Variants in SNAPC4 observed in about 807,000 individuals in gnomAD.
SNAPC4 encodes snRNA-activating protein complex subunit 4.
Under a neutral mutation model 151.3 loss-of-function variants are expected in SNAPC4, and 127 were observed. The ratio of observed to expected loss-of-function variants is 0.84; its 90% CI spans 0.73 to 0.97. The LOEUF is 0.97. Ranked by LOEUF, SNAPC4 falls within the 50% of genes least tolerant of loss-of-function variation. The pLI, the probability that SNAPC4 is intolerant of heterozygous loss-of-function variation, is 0.00. For missense variants in SNAPC4, 2,186 were observed against 1,935.0 expected (o/e 1.13, Z -2.43); for synonymous variants, 1,002 against 824.4 (o/e 1.22, Z -3.69).
Position 136,395,587 on chromosome 9 carries a change from C to T in SNAPC4, c.345+16G>A, listed in dbSNP as rs1834240843. On this transcript the variant is annotated intron_variant, in intron 4 of 23. Coordinates refer to ENST00000684778, the MANE Select transcript of SNAPC4 (RefSeq NM_003086.4). ...GTGGGGAGGTGTGGGCACCGGGGGG[C>T]CGAGGCCCATCCCACCTGCTGCTCC... 1.2e-6 allele frequency: 2 copies of T among 1,604,200 alleles called. No individual in the cohort carries two copies. Among genetic ancestry groups the T allele is most frequent in the Admixed American group, 1.7e-5 (1 of 59,610 alleles).
intron 9 of SNAPC4, among the ~76,000 whole-genome samples, 155 bp downstream of exon 9, chr9:136,392,367 G>A (rs1370997363): frequency 2.6e-5 from 4 of 152,158 alleles, no homozygotes; most frequent in South Asian, 2.1e-4. Context: ...CGCCATTCCC[G>A]ACTGTGGGAC....
At position 136,392,756 on chromosome 9, in the gene SNAPC4, CT is replaced by C; in HGVS notation, c.653del (p.Lys218SerfsTer127). The C allele has an allele frequency of 6.2e-7, 1 of 1,613,520 alleles. No individual in the cohort carries two copies. The highest frequency in any genetic ancestry group is 8.5e-7 in the Non-Finnish European group (1 of 1,180,018). On this transcript the variant is annotated frameshift_variant, in exon 8 of 24. Transcript: ENST00000684778. LOFTEE classifies it high-confidence loss of function. Reference protein sequence around the residue: ...KLLKLEYLHQKQSKVSSELER... With the variant: ...KLLKLEYLHQXQSKVSSELER... The stretch of plus-strand genomic sequence containing the variant: ...CCAGCTCACTGGAGACTTTGCTCTG[CT>C]TCTGGTGCAAGTACTCGAGCCTGCA...
chr9:136,392,431 G>A (rs1345320282), intron 9 of SNAPC4, 91 bp downstream of exon 9: 2 of 1,243,940 alleles, frequency 1.6e-6, no homozygotes, highest in African/African-American at 1.5e-5. Context: ...TGCCAGGGAG[G>A]GTGTGGCCTT....
chr9:136,397,752 G>C (rs1300703503), intron 2 of SNAPC4, among the ~76,000 whole-genome samples: 7 of 150,562 alleles, frequency 4.6e-5, no homozygotes, highest in Non-Finnish European at 8.9e-5. Flanking sequence ...GGAGCACGTG[G>C]GGAGGGGCAC....
Position 136,381,323 on chromosome 9 carries a change from T to C in SNAPC4, c.2387A>G (p.Gln796Arg), listed in dbSNP as rs770400352. 1.9e-5 allele frequency: 31 copies of C among 1,611,416 alleles called. No individual in the cohort carries two copies. The highest frequency in any genetic ancestry group is 2.6e-5 in the Non-Finnish European group (31 of 1,178,854). ...ASTPVFTLFTQLFHIDTAGCL... is the reference protein window; with the variant it reads ...ASTPVFTLFTRLFHIDTAGCL... ...CGAAGCTCTGCCCAAGTAGCTTACCTGGGTAAACAGGGTAAACACAGGGGT... is the reference window on the plus strand; with the variant it reads ...CGAAGCTCTGCCCAAGTAGCTTACCCGGGTAAACAGGGTAAACACAGGGGT... Residue 796 changes from glutamine to arginine, a missense_variant and splice_region_variant, in exon 19 of 24, where the codon CAG becomes CGG. Physicochemically the swap from Gln to Arg is conservative, Grantham distance 43. Coordinates refer to ENST00000684778, the MANE Select transcript of SNAPC4 (RefSeq NM_003086.4).
In SNAPC4 at chr9:136,392,738, A is replaced by C; in HGVS notation, c.672T>G (p.Ser224Arg). 1.2e-6 allele frequency: 2 copies of C among 1,613,538 alleles called. No individual in the cohort carries two copies. Among genetic ancestry groups the C allele is most frequent in the Non-Finnish European group, 1.7e-6 (2 of 1,179,954 alleles). ...YLHQKQSKVS[S>R]ELERQALEKQ... ...TCTCCAGGGCTTGCCTCTCCAGCTC[A>C]CTGGAGACTTTGCTCTGCTTCTGGT... The change falls in exon 8 of 24, where the codon AGT becomes AGG. Residue 224 changes from serine to arginine, a missense_variant. Transcript: ENST00000684778.
At position 136,383,434 on chromosome 9, in the gene SNAPC4, T is replaced by C. The variant is rs140345997; in HGVS notation, c.1735A>G (p.Thr579Ala). The change falls in exon 16 of 24, where the codon ACC becomes GCC. Residue 579 changes from threonine to alanine, a missense_variant. By Grantham distance (58) the Thr-to-Ala change is moderately conservative. Transcript: ENST00000684778. The surrounding 1 kb of genome is among the most constrained non-coding windows in gnomAD (Gnocchi z 4.2). ...GCCCCTCCTCTCCATGGCTGGCTGG[T>C]GCTCTGCCTGGCAGGAACCCACAGG... is the stretch of plus-strand genomic sequence containing the variant. ...MDLWVPARQS[T>A]SQPWRGGAGA... 6.5e-5 allele frequency: 102 copies of C among 1,562,912 alleles called. No homozygotes were observed. In the African/African-American group the frequency reaches 1.2e-3, roughly 19 times the overall value.
intron 4 of SNAPC4, 89 bp from the exon 5 acceptor site, chr9:136,395,512 G>T (rs1588767314): frequency 6.4e-7 from 1 of 1,568,996 alleles, no homozygotes. Context: ...GAGAGGCAGG[G>T]AGCTGGGGAG....
chr9:136,384,076 C>T (rs748655145), intron 14 of SNAPC4, 44 bp from the exon 15 acceptor site: 1 of 1,549,758 alleles, frequency 6.5e-7, no homozygotes, highest in Non-Finnish European at 8.9e-7. Context: ...TCCAAAGATT[C>T]TTCCCCAGGA....
chr9:136,377,468 A>G (rs1833490170), intron 22 of SNAPC4, 75 bp downstream of exon 22: 1 of 1,470,278 alleles, frequency 6.8e-7, no homozygotes, highest in African/African-American at 1.4e-5. Flanking sequence ...CCCCCACCCC[A>G]CTGCTCCAGG....
chr9:136,384,888 A>G, intron 13 of SNAPC4, 74 bp from the exon 14 acceptor site: 1 of 791,926 alleles, frequency 1.3e-6, no homozygotes, highest in South Asian at 1.6e-5. Flanking sequence ...AGCTTCTTTA[A>G]TGGTTTCTTG....
At chr9:136,392,640 C>T in intron 8 of SNAPC4, 33 bp downstream of exon 8, 1 of 1,613,270 alleles carries the variant, frequency 6.2e-7, no homozygotes, top group Non-Finnish European at 8.5e-7. Flanking sequence ...GGCTTGTGGG[C>T]TCCCCTGGGC....
Position 136,392,109 on chromosome 9 carries a change from G to A in SNAPC4, c.811-3C>T, listed in dbSNP as rs1334501162. The A allele has an allele frequency of 1.2e-6, 2 of 1,611,474 alleles. No homozygotes were observed. Among genetic ancestry groups the A allele is most frequent in the South Asian group, 1.1e-5 (1 of 91,082 alleles). On this transcript the variant is annotated splice_polypyrimidine_tract_variant and splice_region_variant and intron_variant, in intron 9 of 23. Coordinates refer to ENST00000684778, the MANE Select transcript of SNAPC4 (RefSeq NM_003086.4). ...TCTGCACTGCGGCTGCCTTCAAACT[G>A]CACCGACAGAGACACTCAGCCTTGC...
chr9:136,379,717 C>G (rs1588740891), intron 21 of SNAPC4, 120 bp downstream of exon 21: 2 of 954,558 alleles, frequency 2.1e-6, no homozygotes, highest in Non-Finnish European at 3.3e-6. Context: ...AGCTCTGTCA[C>G]CAGGGGCCAC....
chr9:136,383,734 A>T lies in SNAPC4; in HGVS notation c.1501-66T>A. ...CGGTTCACCCATGATGGCAGCAAGC[A>T]GGCCAGCCCTTTGGGGAGAGGCCCA... On this transcript the variant is annotated intron_variant, in intron 15 of 23. Transcript: ENST00000684778. The surrounding 1 kb of genome is among the most constrained non-coding windows in gnomAD (Gnocchi z 4.2). The T allele has an allele frequency of 1.9e-6, 3 of 1,548,184 alleles. No individual in the cohort carries two copies. The East Asian group carries it at 6.8e-5, about 35-fold the overall frequency.
intron 20 of SNAPC4, among the ~76,000 whole-genome samples, chr9:136,380,459 C>A (rs953886017): frequency 6.6e-6 from 1 of 152,222 alleles, no homozygotes; most frequent in South Asian, 2.1e-4. Context: ...AGCAGAAAGG[C>A]AAGAACCAGG....
In SNAPC4 at chr9:136,383,784, A is replaced by T. The variant is rs1179602220; in HGVS notation, c.1501-116T>A. The T allele has an allele frequency of 9.9e-6, 14 of 1,412,468 alleles. No homozygotes were observed. Among genetic ancestry groups the T allele is most frequent in the African/African-American group, 2.8e-5 (2 of 70,278 alleles). 87.5% of individuals were successfully genotyped at this position (1,412,468 alleles called of 1,614,324 possible). ...AAGCGGGGGCGCCTCCGGGGTCAAG[A>T]GCAGCCGCTGCCGAGGCAGGGTCTC... On this transcript the variant is annotated intron_variant, in intron 15 of 23. Coordinates refer to ENST00000684778, the MANE Select transcript of SNAPC4 (RefSeq NM_003086.4). This position sits in a 1 kb window ranked among gnomAD's most constrained non-coding sequence, Gnocchi z 4.2.
Position 136,378,452 on chromosome 9 carries a change from G to A in SNAPC4, c.3375C>T (p.Pro1125=). The change falls in exon 22 of 24, where the codon CCC becomes CCT. Residue 1125 remains proline, a synonymous_variant. Coordinates refer to ENST00000684778, the MANE Select transcript of SNAPC4 (RefSeq NM_003086.4). ...AAGAGCTGCTCAACGCTGGGGCCCT[G>A]GGGCCCTGGGCCGCCCGAGTCTCAG... ...PLTETRAAQG[P]RAPALSSSWQ... The A allele has an allele frequency of 1.3e-6, 2 of 1,590,780 alleles. No homozygotes were observed. Among genetic ancestry groups the A allele is most frequent in the Non-Finnish European group, 1.7e-6 (2 of 1,172,310 alleles).
In SNAPC4 at chr9:136,391,837, C is replaced by T. The variant is rs949228204; in HGVS notation, c.975+105G>A. ...GAGGTGGCAACACATAGAAACCTGG[C>T]GGTGAGTGAGCACTGGGGACCCCGC... On this transcript the variant is annotated intron_variant, in intron 10 of 23. Coordinates refer to ENST00000684778, the MANE Select transcript of SNAPC4 (RefSeq NM_003086.4). 1.5e-5 allele frequency: 18 copies of T among 1,237,494 alleles called. No individual in the cohort carries two copies. The South Asian group carries it at 1.6e-4, about 11-fold the overall frequency. The allele number at this position is 1,237,494 out of a possible 1,614,324, so 76.7% of individuals were successfully genotyped here.
Sources: allele counts gnomAD v4.1 joint callset (sites outside exome capture counted in the v4.1 genomes callset), GRCh38; gene constraint gnomAD v4.1.1; non-coding constraint Gnocchi (gnomAD v3.1); transcripts MANE v1.5; gene names NCBI Gene and HGNC (gene_info 2026-07-23, HGNC 2026-07-21).